MDN1: variants seen among roughly 807,000 people sequenced by gnomAD.
MDN1 encodes midasin AAA ATPase 1, also known as midasin.
MDN1 carries 266 observed loss-of-function variants against 669.2 expected under a neutral mutation model. The ratio of observed to expected loss-of-function variants is 0.40; its 90% CI spans 0.36 to 0.44. The LOEUF is 0.44. MDN1 is among the 20% of genes least tolerant of loss of function. The pLI, the probability that MDN1 is intolerant of heterozygous loss-of-function variation, is 1.00. For missense variants in MDN1, 5,940 were observed against 6,754.0 expected (o/e 0.88, Z 4.22); for synonymous variants, 2,385 against 2,457.1 (o/e 0.97, Z 0.87).
chr6:89,669,967 G>C (rs1204186153), intron 83 of MDN1, among the ~76,000 whole-genome samples: 2 of 151,456 alleles, frequency 1.3e-5, no homozygotes, highest in Non-Finnish European at 2.9e-5. Flanking sequence ...CACTTTGGGA[G>C]GCCGAGGTGG....
At chr6:89,762,292 C>T in intron 16 of MDN1, 27 bp downstream of exon 16, 2 of 1,587,228 alleles carry the variant, frequency 1.3e-6, no homozygotes, top group Non-Finnish European at 1.7e-6. Flanking sequence ...ATGCCCTCCC[C>T]CATGGCAGCC....
intron 11 of MDN1, among the ~76,000 whole-genome samples, chr6:89,776,925 TA>T (rs889622868): frequency 3.3e-5 from 5 of 151,590 alleles, no homozygotes; most frequent in African/African-American, 1.2e-4. Flanking sequence ...ACTTGCCAAA[TA>T]AAAAAAACAA....
chr6:89,780,298 A>T lies in MDN1; in HGVS notation c.1644-5T>A, dbSNP rs754233933. ...TTACACCAATTCAGCAGATCCCTTTAAAAAAAAGAAAGAAAAGAAAAAACA... is the reference window on the plus strand; with the variant it reads ...TTACACCAATTCAGCAGATCCCTTTTAAAAAAAGAAAGAAAAGAAAAAACA... On this transcript the variant is annotated splice_region_variant and splice_polypyrimidine_tract_variant and intron_variant, in intron 10 of 101. Transcript: ENST00000369393. The T allele has an allele frequency of 2.0e-6, 3 of 1,530,258 alleles. No homozygotes were observed. In the South Asian group the frequency reaches 3.8e-5, roughly 19 times the overall value. 94.8% of individuals were successfully genotyped at this position (1,530,258 alleles called of 1,614,324 possible). A position where few individuals can be genotyped will look rare whatever the true frequency, so the allele number is the denominator to read the frequency against.
At chr6:89,690,530 C>T in intron 64 of MDN1, 143 bp downstream of exon 64, 2 of 1,069,886 alleles carry the variant, frequency 1.9e-6, no homozygotes, top group Non-Finnish European at 2.6e-6. Context: ...TGCACTCCAG[C>T]CTGGGTGATA....
intron 76 of MDN1, 116 bp from the exon 77 acceptor site, chr6:89,676,323 G>A (rs1811187648): frequency 3.6e-6 from 3 of 822,826 alleles, no homozygotes; most frequent in Middle Eastern, 2.2e-4. Flanking sequence ...GTCTGAATAG[G>A]TTTATTTCTA....
rs777349726 is a variant in MDN1 at position 89,718,902 on chromosome 6, G to C, written c.6186C>G (p.Val2062=). 6.2e-7 allele frequency: 1 copy of C among 1,614,110 alleles called. No homozygotes were observed. Among genetic ancestry groups the C allele is most frequent in the Non-Finnish European group, 8.5e-7 (1 of 1,180,020 alleles). The change falls in exon 42 of 102, where the codon GTC becomes GTG. Residue 2062 remains valine, a synonymous_variant. Coordinates refer to ENST00000369393, the MANE Select transcript of MDN1 (RefSeq NM_014611.3). ...IMKCVQMSWM[V]ILVGPASVGK... ...CCACAGAGGCTGGCCCGACCAGGAT[G>C]ACCATCCAGCTCATCTGCACACACT...
chr6:89,802,945 TC>T (rs1377429147), intron 2 of MDN1, among the ~76,000 whole-genome samples: 2 of 152,182 alleles, frequency 1.3e-5, no homozygotes, highest in African/African-American at 2.4e-5. Context: ...GCTCTTCTAA[TC>T]CACTCCTTCA....
chr6:89,759,632 C>A (rs1817432202), intron 17 of MDN1, among the ~76,000 whole-genome samples: 1 of 152,022 alleles, frequency 6.6e-6, no homozygotes, highest in Non-Finnish European at 1.5e-5. Context: ...GGCGTGGTGG[C>A]ACGCACCCTT....
At chr6:89,775,303 T>G (rs1006710594) in intron 12 of MDN1, among the ~76,000 whole-genome samples, 2 of 152,240 alleles carry the variant, frequency 1.3e-5, no homozygotes, top group Admixed American at 1.3e-4. Flanking sequence ...ATTGGTGGAA[T>G]GAATATTCAT....
intron 20 of MDN1, 36 bp downstream of exon 20, chr6:89,756,237 CAGAG>C (rs775022216): frequency 2.0e-6 from 2 of 991,616 alleles, no homozygotes; most frequent in Non-Finnish European, 3.0e-6. Context: ...TTTTCATGTT[CAGAG>C]AAAGAGCTTA....
rs1215758450 is a variant in MDN1 at position 89,655,813 on chromosome 6, T to C, written c.15441A>G (p.Ala5147=). The C allele has an allele frequency of 6.2e-7, 1 of 1,613,750 alleles. No individual in the cohort carries two copies. The highest frequency in any genetic ancestry group is 8.5e-7 in the Non-Finnish European group (1 of 1,179,972). The part of the protein sequence containing the change: ...QPQAQVEDAD[A]FEHIKQGSDA... Reference sequence around the variant, plus strand: ...CACTGCCTTGTTTAATGTGCTCGAATGCATCTGCATCCTCCACCTGGGCCT... The same window carrying C: ...CACTGCCTTGTTTAATGTGCTCGAACGCATCTGCATCCTCCACCTGGGCCT... The change falls in exon 92 of 102, where the codon GCA becomes GCG. Residue 5147 remains alanine, a synonymous_variant. Transcript: ENST00000369393.
In MDN1 at chr6:89,672,668, A is replaced by G. The variant is rs1667814249; in HGVS notation, c.13509T>C (p.Asp4503=). ...NQMLDEGFVE[D]FSEQMEIAIR... is the part of the protein sequence containing the mutation. ...TGGCAATTTCCATTTGCTCTGAAAA[A>G]TCTTCCACAAATCCTTCGTCCAACA... The change falls in exon 81 of 102, where the codon GAT becomes GAC. Residue 4503 remains aspartate (D), a synonymous_variant. Transcript: ENST00000369393. 6.2e-7 allele frequency: 1 copy of G among 1,614,026 alleles called. No individual in the cohort carries two copies. The highest frequency in any genetic ancestry group is 8.5e-7 in the Non-Finnish European group (1 of 1,180,028).
In MDN1 at chr6:89,718,609, A is replaced by C; in HGVS notation, c.6340T>G (p.Trp2114Gly). Residue 2114 changes from tryptophan to glycine, a missense_variant, in exon 43 of 102, where the codon TGG (tryptophan) becomes GGG (glycine). Physicochemically the swap from Trp to Gly is radical, Grantham distance 184. Coordinates refer to ENST00000369393, the MANE Select transcript of MDN1 (RefSeq NM_014611.3). ...GFEQVDLIRP[W>G]RRLLEKVEGT... Reference sequence around the variant, plus strand: ...TCCACCTTCTCTAGCAGCCTCCTCCAAGGTCGTATAAGATCAACCTGTAAT... The same window carrying C: ...TCCACCTTCTCTAGCAGCCTCCTCCCAGGTCGTATAAGATCAACCTGTAAT... 6.2e-7 allele frequency: 1 copy of C among 1,613,926 alleles called. No homozygotes were observed. The highest frequency in any genetic ancestry group is 8.5e-7 in the Non-Finnish European group (1 of 1,179,838).
chr6:89,794,537 C>T (rs1166535419), intron 3 of MDN1, 40 bp downstream of exon 3: 3 of 1,567,466 alleles, frequency 1.9e-6, no homozygotes, highest in Non-Finnish European at 2.6e-6. Context: ...CCTGTACCAT[C>T]CCCACACTAG....
rs767354358 is a variant in MDN1, at chr6:89,672,367, C to T, written c.13631-4G>A. The T allele has an allele frequency of 3.7e-6, 6 of 1,611,688 alleles. No individual in the cohort carries two copies. The highest frequency in any genetic ancestry group is 5.1e-6 in the Non-Finnish European group (6 of 1,179,534). ...GATTGCAGTCTCTCAAAGCCTGCTG[C>T]CTCATTCATTCAGAGAAAATAACAA... On this transcript the variant is annotated splice_polypyrimidine_tract_variant and splice_region_variant and intron_variant, in intron 81 of 101. Transcript: ENST00000369393.
At chr6:89,814,479 C>T (rs1006858655) in intron 1 of MDN1, among the ~76,000 whole-genome samples, 1 of 151,844 alleles carries the variant, frequency 6.6e-6, no homozygotes, top group African/African-American at 2.4e-5. Flanking sequence ...CTCCCTCAGC[C>T]TCCAACAGTG....
At chr6:89,656,054 A>G in intron 91 of MDN1, 86 bp from the exon 92 acceptor site, 1 of 1,191,194 alleles carries the variant, frequency 8.4e-7, no homozygotes, top group Non-Finnish European at 1.2e-6. Flanking sequence ...TATAGGGGAC[A>G]GGATAAGTAA....
chr6:89,753,969 G>A, intron 21 of MDN1, 114 bp downstream of exon 21: 1 of 1,080,432 alleles, frequency 9.3e-7, no homozygotes, highest in Non-Finnish European at 1.3e-6. Context: ...AGGTATTATG[G>A]GCTGATCTGA....
chr6:89,723,369 G>T, intron 39 of MDN1, 143 bp downstream of exon 39: 1 of 669,582 alleles, frequency 1.5e-6, no homozygotes, highest in Non-Finnish European at 2.4e-6. Context: ...ACTACATAGT[G>T]TCCCTTCCAC....
Sources: allele counts gnomAD v4.1 joint callset (sites outside exome capture counted in the v4.1 genomes callset), GRCh38; gene constraint gnomAD v4.1.1; transcripts MANE v1.5; gene names NCBI Gene and HGNC (gene_info 2026-07-23, HGNC 2026-07-21).